Variants in BAZ2B observed in about 807,000 individuals in gnomAD.
BAZ2B encodes the protein bromodomain adjacent to zinc finger domain 2B.
A neutral mutation model predicts 246.0 loss-of-function variants in BAZ2B; 91 were observed. The ratio of observed to expected loss-of-function variants is 0.37; its 90% confidence interval spans 0.31 to 0.44. The LOEUF (loss-of-function observed/expected upper bound fraction) is 0.44. Ranked by LOEUF, BAZ2B falls within the 20% of genes least tolerant of loss-of-function variation. BAZ2B has a pLI of 1.00. For synonymous variants in BAZ2B, 855 were observed against 860.0 expected, an observed-to-expected ratio of 0.99 and a Z score of 0.10; for missense variants, 2,332 against 2,533.7, an observed-to-expected ratio of 0.92 and a Z score of 1.71.
At chr2:159,388,199 T>C (rs1049455981) in intron 21 of BAZ2B, among the ~76,000 whole-genome samples, 4 of 152,054 alleles carry the variant, frequency 2.6e-5, no homozygotes, top group East Asian at 1.9e-4. Flanking sequence ...CATTTGAATA[T>C]TGCATATAAG....
intron 35 of BAZ2B, 39 bp downstream of exon 35, chr2:159,325,614 G>A (rs1399377471): frequency 1.9e-6 from 3 of 1,544,060 alleles, no homozygotes; most frequent in Non-Finnish European, 2.6e-6. Context: ...ATAAAATGGG[G>A]CATTATAAAT....
chr2:159,320,353 T>C lies in BAZ2B; in HGVS notation c.6419A>G (p.Asn2140Ser). 1 of 1,583,292 alleles carries C rather than the reference T, an allele frequency of 6.3e-7. No homozygotes were observed. The highest frequency in any genetic ancestry group is 8.5e-7 in the Non-Finnish European group (1 of 1,172,024). The change falls in exon 37 of 37, where the codon AAT (asparagine) becomes AGT (serine). Residue 2140 changes from asparagine (N) to serine (S), a missense_variant. By Grantham distance (46) the Asn-to-Ser change is conservative. This residue lies in a region of BAZ2B where 210 missense variants were observed against 232.5 expected (regional missense o/e 0.90). Coordinates refer to ENST00000392783, the MANE Select transcript of BAZ2B (RefSeq NM_013450.4). ...RLVFDNCETF[N>S]EDDSDIGRAG... The stretch of plus-strand genomic sequence containing the variant: ...TCTGCCTATATCAGAATCATCTTCA[T>C]TAAATGTTTCACAGTTGTCAAAAAC...
chr2:159,595,980 G>T (rs556360469), intron 1 of BAZ2B, among the ~76,000 whole-genome samples: 130 of 127,334 alleles, frequency 1.0e-3, no homozygotes, highest in African/African-American at 3.9e-3. Context: ...TTGGGAGGCT[G>T]CTTGATTCGT....
At chr2:159,583,676 C>T (rs1687369999) in intron 1 of BAZ2B, among the ~76,000 whole-genome samples, 1 of 152,078 alleles carries the variant, frequency 6.6e-6, no homozygotes, top group Non-Finnish European at 1.5e-5. Context: ...TTGCCTTCTT[C>T]ATGGGGAGAG....
At chr2:159,637,719 G>A in the BAZ2B span, among the ~76,000 whole-genome samples, 1,603 of 152,152 alleles carry the variant, frequency 0.011, 14 homozygotes, top group Non-Finnish European at 0.016. Context: ...CACCATGCCC[G>A]AGTAATTTTT....
chr2:159,694,810 G>T, the BAZ2B span: 11 of 152,110 alleles, frequency 7.2e-5, no homozygotes, highest in Non-Finnish European at 1.5e-4. Context: ...TGTGTGACAT[G>T]TGTTTTCAGT....
rs374548125 is a variant in BAZ2B, at chr2:159,471,937, C to G, written c.145+6638G>C. Among the ~76,000 whole-genome samples, 8 of 151,734 alleles carry G rather than the reference C, an allele frequency of 5.3e-5. No individual in the cohort carries two copies. In the East Asian group the frequency reaches 1.5e-3, roughly 29 times the overall value. ...CTGAAATAGATTTTAAAGAAATGGG[C>G]TGTTGAAATGGGAATAAAGTTCATA... On this transcript the variant is annotated intron_variant, in intron 3 of 36. Coordinates refer to ENST00000392783, the MANE Select transcript of BAZ2B (RefSeq NM_013450.4).
chr2:159,669,826 T>C, the BAZ2B span, among the ~76,000 whole-genome samples: 1 of 152,206 alleles, frequency 6.6e-6, no homozygotes, highest in Non-Finnish European at 1.5e-5. Context: ...CTTTTGTATC[T>C]GCTCTAACAA....
chr2:159,397,006 C>G, intron 19 of BAZ2B: 1 of 1,233,816 alleles, frequency 8.1e-7, no homozygotes, highest in Non-Finnish European at 1.1e-6. Flanking sequence ...TTATGCATTG[C>G]TATGACAACC....
the BAZ2B span, among the ~76,000 whole-genome samples, chr2:159,632,760 TGAG>T: frequency 6.6e-6 from 1 of 152,210 alleles, no homozygotes; most frequent in Non-Finnish European, 1.5e-5. Context: ...TCACAAGAAA[TGAG>T]GAAATAATCT....
At chr2:159,340,860 A>C (rs1049342008) in intron 31 of BAZ2B, among the ~76,000 whole-genome samples, 6 of 152,154 alleles carry the variant, frequency 3.9e-5, no homozygotes, top group African/African-American at 4.8e-5. Flanking sequence ...GGAGAAAGGA[A>C]ATTATTACAC....
At chr2:159,519,205 A>ATTT (rs2083771094) in intron 2 of BAZ2B, among the ~76,000 whole-genome samples, 6 of 56,488 alleles carry the variant, frequency 1.1e-4, no homozygotes, top group South Asian at 5.0e-4. Context: ...TTCATATTCT[A>ATTT]TTTTCTTTTT....
At position 159,389,346 on chromosome 2, in the gene BAZ2B, T is replaced by G. The variant is rs1006978744; in HGVS notation, c.3215A>C (p.Lys1072Thr). The G allele has an allele frequency of 3.2e-6, 5 of 1,582,386 alleles. No homozygotes were observed. In the African/African-American group the frequency reaches 6.9e-5, roughly 22 times the overall value. Residue 1072 changes from lysine to threonine, a missense_variant and splice_region_variant, in exon 21 of 37, where the codon AAG (lysine) becomes ACG (threonine). Physicochemically the swap from Lys to Thr is moderately conservative, Grantham distance 78. Around this residue, in one of 9 missense-constraint regions of BAZ2B, gnomAD observed 328 missense variants for 410.4 expected, o/e 0.80. Coordinates refer to ENST00000392783, the MANE Select transcript of BAZ2B (RefSeq NM_013450.4). ...TGGTGTACATGACGTATAAATTACC[T>G]TTTGGTCTGCTAAGCACATGTCTTC... Reference protein sequence around the residue: ...PNEDMCLADQKPLPELPRIPG... With the variant: ...PNEDMCLADQTPLPELPRIPG...
chr2:159,494,193 T>C (rs1263982722), intron 2 of BAZ2B, among the ~76,000 whole-genome samples: 1 of 152,144 alleles, frequency 6.6e-6, no homozygotes, highest in Non-Finnish European at 1.5e-5. Context: ...AACTCTTTAG[T>C]CCCAGTTACA....
intron 27 of BAZ2B, among the ~76,000 whole-genome samples, chr2:159,364,001 G>A (rs1056376852): frequency 2.0e-5 from 3 of 152,154 alleles, no homozygotes; most frequent in African/African-American, 7.2e-5. Flanking sequence ...AATGCTCCTA[G>A]TCATCAGCTC....
At chr2:159,522,484 A>C (rs1385938801) in intron 2 of BAZ2B, among the ~76,000 whole-genome samples, 1 of 152,212 alleles carries the variant, frequency 6.6e-6, no homozygotes, top group Non-Finnish European at 1.5e-5. Flanking sequence ...TCCAGAGTCA[A>C]ACAGAAGATT....
intron 1 of BAZ2B, among the ~76,000 whole-genome samples, chr2:159,565,409 C>A (rs2151524371): frequency 6.6e-6 from 1 of 152,166 alleles, no homozygotes; most frequent in East Asian, 1.9e-4. Context: ...AACACACATG[C>A]TGATGACATG....
chr2:159,552,840 T>C (rs979730658), intron 2 of BAZ2B, among the ~76,000 whole-genome samples: 2 of 152,108 alleles, frequency 1.3e-5, no homozygotes, highest in African/African-American at 4.8e-5. Flanking sequence ...GTAATAAAAA[T>C]TAAGCATTAC....
chr2:159,418,041 C>T (rs1382389058), intron 13 of BAZ2B, among the ~76,000 whole-genome samples: 3 of 152,050 alleles, frequency 2.0e-5, no homozygotes, highest in Non-Finnish European at 4.4e-5. Flanking sequence ...AGGAGGAAAG[C>T]CTGAATGTAG....
Sources: allele counts gnomAD v4.1 joint callset (sites outside exome capture counted in the v4.1 genomes callset), GRCh38; gene constraint gnomAD v4.1.1; regional missense constraint gnomAD v4.1.1; transcripts MANE v1.5; gene names NCBI Gene and HGNC (gene_info 2026-07-23, HGNC 2026-07-21).